LMO7: variants seen among roughly 807,000 people sequenced by gnomAD.
The protein encoded by LMO7 is LIM domain 7.
A neutral mutation model predicts 206.5 loss-of-function variants in LMO7; 120 were observed. The ratio of observed to expected loss-of-function variants is 0.58; its 90% CI spans 0.50 to 0.68. LMO7 has a LOEUF of 0.68. Ranked by LOEUF, LMO7 falls within the 30% of genes least tolerant of loss-of-function variation. LMO7 has a pLI of 0.00. For synonymous variants in LMO7, 706 were observed against 681.5 expected, an observed-to-expected ratio of 1.04 and a Z score of -0.56; for missense variants, 1,959 against 1,957.9, an observed-to-expected ratio of 1.00 and a Z score of -0.01.
intron 1 of LMO7, among the ~76,000 whole-genome samples, chr13:75,659,367 T>G (rs2038356222): frequency 6.6e-6 from 1 of 152,202 alleles, no homozygotes; most frequent in East Asian, 1.9e-4. Flanking sequence ...AAGCTACTCT[T>G]GTGTATTAGT....
Position 75,686,132 on chromosome 13 carries a change from G to A in LMO7, c.70-27050G>A, listed in dbSNP as rs142734657. ...GGGCTCAAGCAGTCCTCCCACTTCA[G>A]CCTCCTAAAGTGCTGGGATTACAGG... On this transcript the variant is annotated intron_variant, in intron 1 of 30. Transcript: ENST00000377534. 8.4e-3 allele frequency among the ~76,000 whole-genome samples: 1,280 copies of A among 152,026 alleles called. 9 individuals carry two copies. Among genetic ancestry groups the A allele is most frequent in the Admixed American group, 0.016 (243 of 15,278 alleles).
chr13:75,840,053 T>A (rs2059449217), intron 20 of LMO7, 32 bp from the exon 21 acceptor site: 1 of 1,609,012 alleles, frequency 6.2e-7, no homozygotes, highest in Non-Finnish European at 8.5e-7. Flanking sequence ...ATATTGTATA[T>A]TTTTCTTCCT....
rs535263583 is a variant in LMO7 at position 75,786,678 on chromosome 13, C to T, written c.318-8723C>T. Among the ~76,000 whole-genome samples the T allele has an allele frequency of 2.0e-5, 3 of 152,310 alleles. No individual in the cohort carries two copies. The East Asian group carries it at 5.8e-4, about 29-fold the overall frequency. ...TGGATTACAGGCGTGAGCCACCGCG[C>T]CCGGCCTCTCTCTACTTATTTTCTA... On this transcript the variant is annotated intron_variant, in intron 4 of 30. Coordinates refer to ENST00000377534, the MANE Select transcript of LMO7 (RefSeq NM_001306080.2).
Position 75,849,224 on chromosome 13 carries a change from C to T in LMO7, c.4296C>T (p.Asn1432=). 6.2e-7 allele frequency: 1 copy of T among 1,614,176 alleles called. No homozygotes were observed. The highest frequency in any genetic ancestry group is 8.5e-7 in the Non-Finnish European group (1 of 1,179,996). ...AGAGAACACCCCTTCACAATGACAA[C>T]AGCTGGATCCGACAGCGCAGTGCCA... ...MRKRTPLHND[N]SWIRQRSASV... Residue 1432 remains asparagine (N), a synonymous_variant, in exon 27 of 31, where the codon AAC becomes AAT. Coordinates refer to ENST00000377534, the MANE Select transcript of LMO7 (RefSeq NM_001306080.2).
chr13:75,671,902 A>G (rs1259104499), intron 1 of LMO7, among the ~76,000 whole-genome samples: 1 of 152,140 alleles, frequency 6.6e-6, no homozygotes, highest in Admixed American at 6.6e-5. Context: ...GTGAGAAAGT[A>G]CAGGTCAACT....
chr13:75,708,394 C>T (rs576469875), intron 1 of LMO7, among the ~76,000 whole-genome samples: 8 of 152,308 alleles, frequency 5.3e-5, no homozygotes, highest in Middle Eastern at 3.4e-3. Flanking sequence ...CACTGCTATC[C>T]GGTGTCTGCA....
At chr13:75,839,206 A>G (rs1302052199) in intron 20 of LMO7, among the ~76,000 whole-genome samples, 2 of 152,134 alleles carry the variant, frequency 1.3e-5, no homozygotes, top group African/African-American at 4.8e-5. Flanking sequence ...ATGGCTATTT[A>G]ATTGAAACAG....
chr13:75,714,986 T>C (rs1471941064), intron 2 of LMO7, among the ~76,000 whole-genome samples: 2 of 152,206 alleles, frequency 1.3e-5, no homozygotes, highest in African/African-American at 2.4e-5. Flanking sequence ...GCACGGAGTT[T>C]CTTTTTAGAT....
intron 3 of LMO7, among the ~76,000 whole-genome samples, chr13:75,751,923 A>G (rs2047301943): frequency 1.3e-5 from 2 of 152,188 alleles, no homozygotes; most frequent in South Asian, 2.1e-4. Flanking sequence ...TTTATCAAAT[A>G]TATATTTTTT....
chr13:75,821,463 A>G lies in LMO7; in HGVS notation c.2494A>G (p.Ser832Gly). The G allele has an allele frequency of 5.6e-6, 9 of 1,614,210 alleles. No individual in the cohort carries two copies. Among genetic ancestry groups the G allele is most frequent in the South Asian group, 1.1e-5 (1 of 91,084 alleles). The change falls in exon 14 of 31, where the codon AGC becomes GGC. Residue 832 changes from serine (S) to glycine (G), a missense_variant. Coordinates refer to ENST00000377534, the MANE Select transcript of LMO7 (RefSeq NM_001306080.2). Reference protein sequence around the residue: ...PASLSSLRSRSTQMESTRVSA... With the variant: ...PASLSSLRSRGTQMESTRVSA... ...CTCTTTGTCTTCTCTGCGTTCACGG[A>G]GCACACAAATGGAATCAACTCGTGT...
rs539096523 is a variant in LMO7 at position 75,853,451 on chromosome 13, C to T, written c.4661+63C>T. On this transcript the variant is annotated intron_variant, in intron 28 of 30. Transcript: ENST00000377534. ...TGGGTATTTTTTCATTAAAATATCCCCCAAATCCTGTCCAAGTTTTCCAAT... is the reference window on the plus strand; with the variant it reads ...TGGGTATTTTTTCATTAAAATATCCTCCAAATCCTGTCCAAGTTTTCCAAT... 40 of 1,398,130 alleles carry T rather than the reference C, an allele frequency of 2.9e-5. No individual in the cohort carries two copies. The East Asian group carries it at 6.5e-4, about 23-fold the overall frequency. The allele number at this position is 1,398,130 out of a possible 1,614,324, so 86.6% of individuals were successfully genotyped here. A position where few individuals can be genotyped will look rare whatever the true frequency, so the allele number is the denominator to read the frequency against.
At chr13:75,636,845 G>A (rs1043838056) in intron 1 of LMO7, 119 bp downstream of exon 1, 16 of 982,018 alleles carry the variant, frequency 1.6e-5, no homozygotes, top group Non-Finnish European at 2.2e-5. Context: ...CCCAGCCGAC[G>A]TGAACAAGCT....
In LMO7 at chr13:75,859,677, T is replaced by C. The variant is rs1221194575; in HGVS notation, c.*1734T>C. Reference sequence around the variant, plus strand: ...GAGATTATGCATTTTAAGACACTCATAGTATATATTGCCAAAGTGGTTTCC... The same window carrying C: ...GAGATTATGCATTTTAAGACACTCACAGTATATATTGCCAAAGTGGTTTCC... On this transcript the variant is annotated 3_prime_UTR_variant, in exon 31 of 31. Transcript: ENST00000377534. The C allele has an allele frequency of 6.6e-6, 1 of 152,202 alleles. No individual in the cohort carries two copies. Among genetic ancestry groups the C allele is most frequent in the African/African-American group, 2.4e-5 (1 of 41,456 alleles). 9.4% of individuals were successfully genotyped at this position (152,202 alleles called of 1,614,324 possible). A position where few individuals can be genotyped will look rare whatever the true frequency, so the allele number is the denominator to read the frequency against.
At position 75,822,762 on chromosome 13, in the gene LMO7, C is replaced by CTATATATATA. The variant is rs66789925; in HGVS notation, c.2641-778_2641-769dup. On this transcript the variant is annotated intron_variant, in intron 14 of 30. Transcript: ENST00000377534. ...GTGTTGCTACAATTATTTTTAGAAACTATATATATATATATATATATATAT... is the reference window on the plus strand; with the variant it reads ...GTGTTGCTACAATTATTTTTAGAAACTATATATATATATATATATATATATATATATATAT... Among the ~76,000 whole-genome samples the CTATATATATA allele has an allele frequency of 6.1e-3, 664 of 108,360 alleles. 4 individuals carry two copies. Among genetic ancestry groups the CTATATATATA allele is most frequent in the East Asian group, 0.019 (65 of 3,512 alleles). 71.1% of individuals were successfully genotyped at this position (108,360 alleles called of 152,430 possible).
At chr13:75,845,461 G>T in intron 26 of LMO7, 82 bp downstream of exon 26, 1 of 776,192 alleles carries the variant, frequency 1.3e-6, no homozygotes. Context: ...TTAAGGTCAA[G>T]ATATTTCAGA....
chr13:75,798,625 C>G (rs765346210), intron 6 of LMO7, among the ~76,000 whole-genome samples: 5 of 152,174 alleles, frequency 3.3e-5, no homozygotes, highest in Non-Finnish European at 5.9e-5. Flanking sequence ...GTGACTATAT[C>G]ACATGTTTTG....
At chr13:75,681,484 G>C (rs897071499) in intron 1 of LMO7, among the ~76,000 whole-genome samples, 3 of 151,438 alleles carry the variant, frequency 2.0e-5, no homozygotes, top group Admixed American at 6.6e-5. Flanking sequence ...TTAGTATACT[G>C]AGTTCTGACA....
chr13:75,805,035 T>A (rs995881538), intron 8 of LMO7: 23 of 1,001,972 alleles, frequency 2.3e-5, no homozygotes, highest in Middle Eastern at 1.0e-3. Flanking sequence ...CAACCGTAGA[T>A]TCCAAGTGAA....
At chr13:75,686,822 A>G (rs1040142561) in intron 1 of LMO7, among the ~76,000 whole-genome samples, 2 of 152,166 alleles carry the variant, frequency 1.3e-5, no homozygotes, top group African/African-American at 4.8e-5. Context: ...GAAGCTGGGA[A>G]GCCCAAGATT....
Sources: allele counts gnomAD v4.1 joint callset (sites outside exome capture counted in the v4.1 genomes callset), GRCh38; gene constraint gnomAD v4.1.1; transcripts MANE v1.5; gene names NCBI Gene and HGNC (gene_info 2026-07-23, HGNC 2026-07-21).